Variants in COL22A1 observed in about 807,000 individuals in gnomAD.
The protein encoded by COL22A1 is collagen alpha-1(XXII) chain.
In COL22A1, 221 loss-of-function variants were observed where a neutral mutation model predicts 248.9. That is an observed-to-expected ratio of 0.89 (90% confidence interval 0.80 to 0.99). The LOEUF is 0.99. Ranked by LOEUF, COL22A1 falls within the 50% of genes least tolerant of loss-of-function variation. COL22A1 has a pLI of 0.00. For synonymous variants in COL22A1, 891 were observed against 793.4 expected (o/e 1.12, Z -2.07); for missense variants, 2,240 against 2,179.0 (o/e 1.03, Z -0.56).
intron 36 of COL22A1, 39 bp downstream of exon 36, chr8:138,690,782 G>A (rs369267832): frequency 2.6e-6 from 4 of 1,555,394 alleles, no homozygotes; most frequent in Non-Finnish European, 3.5e-6. Flanking sequence ...AACTAGCTTG[G>A]TGGCTGGGCC....
intron 23 of COL22A1, 89 bp downstream of exon 23, chr8:138,737,435 T>C: frequency 1.1e-6 from 1 of 924,872 alleles, no homozygotes; most frequent in East Asian, 2.4e-5. Flanking sequence ...AGCAGGATTC[T>C]GGCTGCCCAC....
intron 22 of COL22A1, among the ~76,000 whole-genome samples, chr8:138,744,378 TG>T (rs1177535055): frequency 6.6e-6 from 1 of 152,004 alleles, no homozygotes; most frequent in African/African-American, 2.4e-5. Flanking sequence ...CGGACAGGCA[TG>T]GTCAGGTATT....
chr8:138,815,682 C>T (rs1818623695), intron 7 of COL22A1, among the ~76,000 whole-genome samples: 5 of 152,148 alleles, frequency 3.3e-5, no homozygotes, highest in South Asian at 2.1e-4. Flanking sequence ...ACATAGACCA[C>T]GAGGGCAAGG....
At chr8:138,849,601 A>G (rs999499677) in intron 3 of COL22A1, among the ~76,000 whole-genome samples, 24 of 152,194 alleles carry the variant, frequency 1.6e-4, no homozygotes, top group African/African-American at 5.8e-4. Flanking sequence ...GCCAATAGGG[A>G]TTCAGGTCTG....
chr8:138,650,670 TTAGATAGATAGATAGATAGATAGATAGA>T lies in COL22A1; in HGVS notation c.3334-920_3334-893del, dbSNP rs6150847. ...GCACTTAGAATACTCTCAAGAAAGA[TTAGATAGATAGATAGATAGATAGATAGA>T]TAGATAGATAGATAGATAGACAGAT... is the stretch of plus-strand genomic sequence containing the variant. On this transcript the variant is annotated intron_variant, in intron 45 of 64. Transcript: ENST00000303045. 3.0e-4 allele frequency among the ~76,000 whole-genome samples: 46 copies of T among 151,144 alleles called. 1 individual carries two copies. Among genetic ancestry groups the T allele is most frequent in the South Asian group, 4.2e-4 (2 of 4,760 alleles).
At chr8:138,642,900 G>A (rs1198053265) in intron 47 of COL22A1, among the ~76,000 whole-genome samples, 1 of 151,868 alleles carries the variant, frequency 6.6e-6, no homozygotes, top group Non-Finnish European at 1.5e-5. Context: ...GTAGTGGCAT[G>A]CACCTGTAGT....
intron 3 of COL22A1, among the ~76,000 whole-genome samples, chr8:138,873,416 A>C (rs1462986655): frequency 6.6e-6 from 1 of 152,202 alleles, no homozygotes; most frequent in Non-Finnish European, 1.5e-5. Flanking sequence ...CAGCAAGCAC[A>C]GAATTAACTG....
intron 30 of COL22A1, among the ~76,000 whole-genome samples, chr8:138,714,485 C>T (rs1280198084): frequency 6.6e-6 from 1 of 152,132 alleles, no homozygotes; most frequent in Non-Finnish European, 1.5e-5. Flanking sequence ...TGTTTTTCTG[C>T]CCAGAATGAC....
At chr8:138,780,795 T>A in intron 13 of COL22A1, 132 bp downstream of exon 13, 2 of 771,354 alleles carry the variant, frequency 2.6e-6, no homozygotes, top group Admixed American at 2.0e-5. Context: ...TCTGCGAGGA[T>A]CCTAATATAA....
chr8:138,634,289 C>T lies in COL22A1; in HGVS notation c.3609+721G>A, dbSNP rs142390520. Among the ~76,000 whole-genome samples, 337 of 152,198 alleles carry T rather than the reference C, an allele frequency of 2.2e-3. 1 individual carries two copies. The highest frequency in any genetic ancestry group is 7.8e-3 in the African/African-American group (322 of 41,530). ...TTCCTATTTGAAGGGGGATCCTTTT[C>T]GGTGGTCTTTCAGTCATTCCAGAAA... is the stretch of plus-strand genomic sequence containing the variant. On this transcript the variant is annotated intron_variant, in intron 49 of 64. Coordinates refer to ENST00000303045, the MANE Select transcript of COL22A1 (RefSeq NM_152888.3).
In COL22A1 at chr8:138,740,623, G is replaced by A. The variant is rs1441384483; in HGVS notation, c.2086-3046C>T. Among the ~76,000 whole-genome samples the A allele has an allele frequency of 5.3e-5, 8 of 152,302 alleles. No homozygotes were observed. In the South Asian group the frequency reaches 1.5e-3, roughly 28 times the overall value. Reference sequence around the variant, plus strand: ...AATCAATTGATCTGGAAGAGCAGATGTATGGGCAAGTAGGAGGCGCGTGGT... The same window carrying A: ...AATCAATTGATCTGGAAGAGCAGATATATGGGCAAGTAGGAGGCGCGTGGT... On this transcript the variant is annotated intron_variant, in intron 22 of 64. Coordinates refer to ENST00000303045, the MANE Select transcript of COL22A1 (RefSeq NM_152888.3).
chr8:138,654,776 G>A (rs1045572072), intron 45 of COL22A1, among the ~76,000 whole-genome samples: 9 of 152,138 alleles, frequency 5.9e-5, no homozygotes, highest in African/African-American at 1.4e-4. Flanking sequence ...CTTAGCCTTC[G>A]GGTGTAACTC....
intron 41 of COL22A1, among the ~76,000 whole-genome samples, chr8:138,667,560 T>C (rs1824617056): frequency 6.6e-6 from 1 of 152,224 alleles, no homozygotes; most frequent in Non-Finnish European, 1.5e-5. Flanking sequence ...TAATTGGTCC[T>C]TTTTGCAAGA....
intron 41 of COL22A1, among the ~76,000 whole-genome samples, chr8:138,664,194 TGC>T (rs150972699): frequency 0.013 from 1,070 of 85,284 alleles, 12 homozygotes; most frequent in African/African-American, 0.027. Context: ...CAACAAGGGG[TGC>T]GCGCGCGCGC....
chr8:138,902,739 T>TATATATACACACACACACAC (rs763466994), intron 1 of COL22A1, among the ~76,000 whole-genome samples: 220 of 93,868 alleles, frequency 2.3e-3, no homozygotes, highest in African/African-American at 4.5e-3. Context: ...TATATATATA[T>TATATATACACACACACACAC]ACACACACAC....
chr8:138,856,604 G>A (rs1051478480), intron 3 of COL22A1, among the ~76,000 whole-genome samples: 2 of 151,672 alleles, frequency 1.3e-5, no homozygotes, highest in Non-Finnish European at 2.9e-5. Flanking sequence ...GAGAGAGAGA[G>A]AGAGAGAGAG....
intron 1 of COL22A1, among the ~76,000 whole-genome samples, chr8:138,897,461 A>C (rs931523984): frequency 6.6e-6 from 1 of 152,084 alleles, no homozygotes; most frequent in African/African-American, 2.4e-5. Flanking sequence ...AGGCAGGAGA[A>C]TCGCTTAAAC....
In COL22A1 at chr8:138,596,910, G is replaced by A. The variant is rs773960137; in HGVS notation, c.4426C>T (p.Leu1476Phe). 14 of 1,613,944 alleles carry A rather than the reference G, an allele frequency of 8.7e-6. No homozygotes were observed. Among genetic ancestry groups the A allele is most frequent in the Non-Finnish European group, 1.1e-5 (13 of 1,179,866 alleles). ...RLIQEELGKQ[L>F]ETRLAYLLAQ... ...ACACAGTCCAGATACTCACTTTCAA[G>A]CTGCTTCCCCAGCTCTTCTTGAATA... The change falls in exon 62 of 65, where the codon CTT becomes TTT. Residue 1476 changes from leucine (L) to phenylalanine (F), a missense_variant. Transcript: ENST00000303045.
At chr8:138,675,897 G>A (rs888479036) in intron 41 of COL22A1, among the ~76,000 whole-genome samples, 19 of 152,156 alleles carry the variant, frequency 1.2e-4, no homozygotes, top group Admixed American at 1.2e-3. Flanking sequence ...TTTTTAAACT[G>A]CAGAGCCAGA....
Sources: gnomAD v4.1 joint callset for allele counts (sites outside exome capture counted in the v4.1 genomes callset) on GRCh38, gnomAD v4.1.1 for gene constraint, MANE v1.5 for transcripts, NCBI Gene and HGNC (gene_info 2026-07-23, HGNC 2026-07-21) for gene names.